The following DLC1 variants were observed in gnomAD, a reference collection of about 807,000 sequenced individuals.
DLC1 encodes the protein DLC1 Rho GTPase activating protein, also known as rho GTPase-activating protein 7.
DLC1 carries 54 observed loss-of-function variants against 140.3 expected under a neutral mutation model. The ratio of observed to expected loss-of-function variants is 0.38; its 90% CI spans 0.31 to 0.48. The LOEUF (loss-of-function observed/expected upper bound fraction) is 0.48, where lower values mean the gene tolerates loss of function less well. DLC1 is among the 20% of genes least tolerant of loss of function. DLC1 has a pLI of 0.96. For missense variants in DLC1, 2,536 were observed against 1,907.0 expected (o/e 1.33, Z -6.14); for synonymous variants, 986 against 728.1 (o/e 1.35, Z -5.70).
At chr8:13,167,825 T>A (rs1471781974) in intron 5 of DLC1, among the ~76,000 whole-genome samples, 2 of 152,322 alleles carry the variant, frequency 1.3e-5, no homozygotes, top group East Asian at 3.9e-4. Flanking sequence ...CTGGGAAGTA[T>A]AACTCACATT....
chr8:13,491,942 G>A (rs913484919), intron 2 of DLC1, among the ~76,000 whole-genome samples: 1 of 152,168 alleles, frequency 6.6e-6, no homozygotes, highest in African/African-American at 2.4e-5. Context: ...GCGGACACAA[G>A]GTTGAATAAT....
intron 5 of DLC1, among the ~76,000 whole-genome samples, chr8:13,123,775 T>A (rs1821321968): frequency 6.6e-6 from 1 of 152,214 alleles, no homozygotes; most frequent in South Asian, 2.1e-4. Context: ...TTCTGTGATA[T>A]ATCCCAAGCA....
At chr8:13,332,427 C>T (rs1203670981) in intron 4 of DLC1, among the ~76,000 whole-genome samples, 2 of 48,910 alleles carry the variant, frequency 4.1e-5, no homozygotes, top group African/African-American at 5.4e-5. Flanking sequence ...GACTGATTTT[C>T]TTTTGTCTTT....
chr8:13,381,335 A>G (rs750736235), intron 4 of DLC1, among the ~76,000 whole-genome samples: 1 of 152,192 alleles, frequency 6.6e-6, no homozygotes, highest in Non-Finnish European at 1.5e-5. Flanking sequence ...ACTGACCTGC[A>G]AAAAAGGAGG....
At chr8:13,424,767 G>T (rs1481645231) in intron 2 of DLC1, among the ~76,000 whole-genome samples, 1 of 151,936 alleles carries the variant, frequency 6.6e-6, no homozygotes, top group East Asian at 1.9e-4. Context: ...TAGAGACGGG[G>T]TTTCACCATG....
chr8:13,340,555 T>G (rs1833994970), intron 4 of DLC1: 1 of 152,246 alleles, frequency 6.6e-6, no homozygotes, highest in South Asian at 2.1e-4. Flanking sequence ...TTGCTTACTT[T>G]TTGTTGCTAC....
At chr8:13,382,805 C>G (rs139492964) in intron 4 of DLC1, among the ~76,000 whole-genome samples, 8 of 152,266 alleles carry the variant, frequency 5.3e-5, no homozygotes, top group Admixed American at 3.3e-4. Context: ...AGATACTTCA[C>G]AGATCCCATA....
At chr8:13,342,301 C>A (rs767764) in intron 4 of DLC1, 1 of 152,008 alleles carries the variant, frequency 6.6e-6, no homozygotes, top group African/African-American at 2.4e-5. Context: ...TTGGAGAAAG[C>A]TCTGAAAAAA....
intron 5 of DLC1, chr8:13,133,021 G>A (rs774284363): frequency 6.9e-6 from 11 of 1,592,082 alleles, no homozygotes; most frequent in Admixed American, 5.4e-5. Context: ...TGGGGAAGTC[G>A]AGGCAGGCGG....
intron 5 of DLC1, among the ~76,000 whole-genome samples, chr8:13,189,432 C>G (rs1035469980): frequency 6.6e-6 from 1 of 151,108 alleles, no homozygotes. Context: ...AAGCTCTGAT[C>G]ATGCCATTGC....
intron 1 of DLC1, among the ~76,000 whole-genome samples, chr8:13,597,936 G>A (rs1380635486): frequency 6.6e-6 from 1 of 151,954 alleles, no homozygotes; most frequent in East Asian, 1.9e-4. Flanking sequence ...CCGCTTTATG[G>A]GATGCAGATG....
intron 1 of DLC1, among the ~76,000 whole-genome samples, chr8:13,596,068 A>C (rs1363166491): frequency 6.6e-6 from 1 of 152,054 alleles, no homozygotes; most frequent in Non-Finnish European, 1.5e-5. Flanking sequence ...TAAGTTTTAA[A>C]CTAAGTTTCA....
At chr8:13,535,019 C>T (rs1803228007) in intron 1 of DLC1, among the ~76,000 whole-genome samples, 1 of 152,126 alleles carries the variant, frequency 6.6e-6, no homozygotes, top group Non-Finnish European at 1.5e-5. Context: ...TTCAATTTTT[C>T]AGCACATATT....
In DLC1 at chr8:13,125,737, A is replaced by AT. The variant is rs576872305; in HGVS notation, c.1349-10081dup. Among the ~76,000 whole-genome samples, 855 of 149,646 alleles carry AT rather than the reference A, an allele frequency of 5.7e-3. 8 individuals are homozygous for AT. Among genetic ancestry groups the AT allele is most frequent in the Non-Finnish European group, 7.2e-3 (483 of 67,454 alleles). On this transcript the variant is annotated intron_variant, in intron 5 of 17. Coordinates refer to ENST00000276297, the MANE Select transcript of DLC1 (RefSeq NM_182643.3). ...GGAGCTTCCTTTTTAAGTTTTGTTCATTTTTTTTTCTCTTATTCTTCTGCT... is the reference window on the plus strand; with the variant it reads ...GGAGCTTCCTTTTTAAGTTTTGTTCATTTTTTTTTTCTCTTATTCTTCTGCT...
At chr8:13,507,140 C>T (rs1197265212) in intron 1 of DLC1, among the ~76,000 whole-genome samples, 2 of 152,100 alleles carry the variant, frequency 1.3e-5, no homozygotes, top group South Asian at 2.1e-4. Context: ...AAATGAAACC[C>T]ATTTTCTTAA....
intron 2 of DLC1, among the ~76,000 whole-genome samples, chr8:13,438,388 T>C (rs1174249666): frequency 1.3e-5 from 2 of 152,176 alleles, no homozygotes; most frequent in East Asian, 1.9e-4. Context: ...AAATTTGGAA[T>C]TGTCGCTTGC....
At chr8:13,365,353 G>A (rs529362196) in intron 4 of DLC1, among the ~76,000 whole-genome samples, 15 of 152,264 alleles carry the variant, frequency 9.9e-5, no homozygotes, top group African/African-American at 3.4e-4. Flanking sequence ...CACGCCTTTG[G>A]TGGTAAGTGA....
chr8:13,281,002 A>T (rs905212158), intron 5 of DLC1, among the ~76,000 whole-genome samples: 4 of 152,172 alleles, frequency 2.6e-5, no homozygotes, highest in African/African-American at 7.2e-5. Flanking sequence ...TCCACAGAAG[A>T]TCTTCTCCAC....
intron 5 of DLC1, among the ~76,000 whole-genome samples, chr8:13,270,298 C>T (rs1830878055): frequency 6.6e-6 from 1 of 152,172 alleles, no homozygotes. Context: ...AATGTGCAGA[C>T]TGTGCATGCA....
Sources: gnomAD v4.1 joint callset for allele counts (sites outside exome capture counted in the v4.1 genomes callset) on GRCh38, gnomAD v4.1.1 for gene constraint, MANE v1.5 for transcripts, NCBI Gene and HGNC (gene_info 2026-07-23, HGNC 2026-07-21) for gene names.